CFAP299: variants seen among roughly 807,000 people sequenced by gnomAD.
CFAP299 encodes the protein cilia and flagella associated protein 299.
A neutral mutation model predicts 27.0 loss-of-function variants in CFAP299; 21 were observed. That is an observed-to-expected ratio of 0.78 (90% confidence interval 0.55 to 1.12). CFAP299 has a LOEUF of 1.12. Ranked by LOEUF, CFAP299 falls within the 50% of genes most tolerant of loss-of-function variation. CFAP299 has a pLI of 0.00. For synonymous variants in CFAP299, 104 were observed against 98.1 expected (o/e 1.06, Z -0.36); for missense variants, 310 against 276.6 (o/e 1.12, Z -0.86).
At chr4:80,737,881 C>T (rs1233310725) in intron 3 of CFAP299, among the ~76,000 whole-genome samples, 1 of 152,126 alleles carries the variant, frequency 6.6e-6, no homozygotes, top group East Asian at 1.9e-4. Context: ...AAACGATCCT[C>T]TTAGTACTGC....
At chr4:80,348,697 G>C (rs1296420174) in intron 1 of CFAP299, among the ~76,000 whole-genome samples, 3 of 152,182 alleles carry the variant, frequency 2.0e-5, no homozygotes, top group Non-Finnish European at 4.4e-5. Context: ...CTTCAGAACT[G>C]TGAGAAAATA....
chr4:80,461,925 A>G (rs1238112743), intron 2 of CFAP299, among the ~76,000 whole-genome samples: 1 of 152,102 alleles, frequency 6.6e-6, no homozygotes, highest in Non-Finnish European at 1.5e-5. Context: ...ATCTATAAAC[A>G]TGTCTGTGTT....
rs1560419268 is a variant in CFAP299 at position 80,800,529 on chromosome 4, ATTATAT to A, written c.334-69463_334-69458del. On this transcript the variant is annotated intron_variant, in intron 3 of 5. Transcript: ENST00000358105. The stretch of plus-strand genomic sequence containing the variant: ...TTATATAATATATAATATATAATAT[ATTATAT>A]AATATATAATATATCAATATATTAT... Among the ~76,000 whole-genome samples, 27 of 18,764 alleles carry A rather than the reference ATTATAT, an allele frequency of 1.4e-3. 1 individual carries two copies. Among genetic ancestry groups the A allele is most frequent in the African/African-American group, 2.2e-3 (12 of 5,402 alleles). 12.3% of individuals were successfully genotyped at this position (18,764 alleles called of 152,430 possible).
Position 80,669,141 on chromosome 4 carries a change from CTTTCTTTCTTTTTT to C in CFAP299, c.333+85962_333+85975del, listed in dbSNP as rs1577996585. Among the ~76,000 whole-genome samples, 16 of 30,724 alleles carry C rather than the reference CTTTCTTTCTTTTTT, an allele frequency of 5.2e-4. 1 individual carries two copies. The highest frequency in any genetic ancestry group is 3.0e-3 in the South Asian group (2 of 662). The allele number at this position is 30,724 out of a possible 152,430, so 20.2% of individuals were successfully genotyped here. A position where few individuals can be genotyped will look rare whatever the true frequency, so the allele number is the denominator to read the frequency against. On this transcript the variant is annotated intron_variant, in intron 3 of 5. Coordinates refer to ENST00000358105, the MANE Select transcript of CFAP299 (RefSeq NM_152770.3). Reference sequence around the variant, plus strand: ...TTTCTTTTCTTTTCTGTCTTTCTTTCTTTCTTTCTTTTTTTTTTTTTTTTTTTTTTTTTTTTTGA... The same window carrying C: ...TTTCTTTTCTTTTCTGTCTTTCTTTCTTTTTTTTTTTTTTTTTTTTTTTGA...
chr4:80,350,591 T>C (rs1462448134), intron 1 of CFAP299, among the ~76,000 whole-genome samples: 1 of 152,212 alleles, frequency 6.6e-6, no homozygotes, highest in East Asian at 1.9e-4. Context: ...CACCATGGAA[T>C]ACTATGCAGC....
chr4:80,613,781 G>C (rs1163533565), intron 3 of CFAP299, among the ~76,000 whole-genome samples: 1 of 152,148 alleles, frequency 6.6e-6, no homozygotes, highest in African/African-American at 2.4e-5. Flanking sequence ...TGCACTTTAA[G>C]ATGGTCCTGC....
intron 3 of CFAP299, among the ~76,000 whole-genome samples, chr4:80,591,150 G>A (rs1263057654): frequency 8.2e-6 from 1 of 122,322 alleles, no homozygotes; most frequent in African/African-American, 2.9e-5. Flanking sequence ...TTGAGACGGA[G>A]TCTCGCTCTG....
chr4:80,956,446 AT>A (rs1738073074), intron 5 of CFAP299, among the ~76,000 whole-genome samples: 1 of 151,886 alleles, frequency 6.6e-6, no homozygotes. Context: ...TCTTATTTAT[AT>A]ATTTATTTTA....
chr4:80,712,808 G>A (rs1054822852), intron 3 of CFAP299, among the ~76,000 whole-genome samples: 1 of 152,130 alleles, frequency 6.6e-6, no homozygotes, highest in Non-Finnish European at 1.5e-5. Flanking sequence ...TGTACTGTAA[G>A]TGCCCATATT....
At chr4:80,662,215 G>GA (rs1189530153) in intron 3 of CFAP299, among the ~76,000 whole-genome samples, 1 of 151,960 alleles carries the variant, frequency 6.6e-6, no homozygotes, top group Non-Finnish European at 1.5e-5. Context: ...TTCCCCTTTT[G>GA]AAAATCACTA....
chr4:80,351,354 G>A (rs73829274), intron 1 of CFAP299, among the ~76,000 whole-genome samples: 123 of 152,206 alleles, frequency 8.1e-4, no homozygotes, highest in African/African-American at 2.8e-3. Flanking sequence ...TAGCACAAAA[G>A]ATAGCAGAGG....
intron 3 of CFAP299, among the ~76,000 whole-genome samples, chr4:80,672,650 G>T (rs1741563270): frequency 6.6e-6 from 1 of 152,072 alleles, no homozygotes; most frequent in African/African-American, 2.4e-5. Flanking sequence ...TTTTTTGTTG[G>T]TTGGCTATTA....
chr4:80,664,464 G>A (rs1211887765), intron 3 of CFAP299, among the ~76,000 whole-genome samples: 1 of 152,182 alleles, frequency 6.6e-6, no homozygotes, highest in Non-Finnish European at 1.5e-5. Context: ...TAGAGAGGCA[G>A]TGGCTTTACC....
chr4:80,812,097 AGT>A (rs1729184733), intron 3 of CFAP299, among the ~76,000 whole-genome samples: 1 of 152,104 alleles, frequency 6.6e-6, no homozygotes. Flanking sequence ...TTCATATATT[AGT>A]ATTCATATAT....
At chr4:80,812,255 A>C (rs899328126) in intron 3 of CFAP299, among the ~76,000 whole-genome samples, 1 of 152,114 alleles carries the variant, frequency 6.6e-6, no homozygotes, top group African/African-American at 2.4e-5. Flanking sequence ...CTTATGTGCC[A>C]TAGCTTCTCT....
At chr4:80,870,869 C>G (rs924236412) in intron 4 of CFAP299, 1 of 985,046 alleles carries the variant, frequency 1.0e-6, no homozygotes, top group African/African-American at 1.7e-5. Context: ...TCCACCCTTA[C>G]TGATATTATC....
At chr4:80,427,203 T>G (rs570020369) in intron 2 of CFAP299, among the ~76,000 whole-genome samples, 1 of 152,292 alleles carries the variant, frequency 6.6e-6, no homozygotes, top group South Asian at 2.1e-4. Context: ...CCTGCTTAAT[T>G]TTGTTTAATC....
chr4:80,437,622 A>G (rs1218833410), intron 2 of CFAP299, among the ~76,000 whole-genome samples: 1 of 152,194 alleles, frequency 6.6e-6, no homozygotes, highest in Middle Eastern at 3.2e-3. Context: ...GAGGGGAGAC[A>G]CTATCTCCAT....
At chr4:80,484,552 A>G (rs1378174521) in intron 2 of CFAP299, among the ~76,000 whole-genome samples, 3 of 152,168 alleles carry the variant, frequency 2.0e-5, no homozygotes, top group Non-Finnish European at 4.4e-5. Flanking sequence ...CTGTAATGCC[A>G]TAATACAATG....
Sources: allele counts gnomAD v4.1 joint callset (sites outside exome capture counted in the v4.1 genomes callset), GRCh38; gene constraint gnomAD v4.1.1; transcripts MANE v1.5; gene names NCBI Gene and HGNC (gene_info 2026-07-23, HGNC 2026-07-21).